Variants in SPAG16 observed in about 807,000 individuals in gnomAD.
SPAG16 encodes the protein sperm-associated antigen 16 protein.
In SPAG16, 86 loss-of-function variants were observed where a neutral mutation model predicts 80.4. The ratio of observed to expected loss-of-function variants is 1.07; its 90% CI spans 0.90 to 1.28. SPAG16 has a LOEUF of 1.28. SPAG16 is among the 50% of genes most tolerant of loss of function. The pLI, the probability that SPAG16 is intolerant of heterozygous loss-of-function variation, is 0.00. For synonymous variants in SPAG16, 294 were observed against 265.9 expected, an observed-to-expected ratio of 1.11 and a Z score of -1.03; for missense variants, 870 against 765.3, an observed-to-expected ratio of 1.14 and a Z score of -1.61.
intron 1 of SPAG16, chr2:213,284,836 A>G (rs2061996341): frequency 4.8e-6 from 3 of 618,592 alleles, no homozygotes; most frequent in Non-Finnish European, 8.0e-6. Flanking sequence ...TGTACCTGTT[A>G]GAAGAGTTGG....
At chr2:214,280,465 G>C (rs1692837050) in intron 15 of SPAG16, among the ~76,000 whole-genome samples, 1 of 152,122 alleles carries the variant, frequency 6.6e-6, no homozygotes, top group African/African-American at 2.4e-5. Context: ...CTGCTCTCAA[G>C]GTTTATTATG....
intron 10 of SPAG16, among the ~76,000 whole-genome samples, chr2:213,660,600 A>C (rs924484558): frequency 2.0e-5 from 3 of 152,088 alleles, no homozygotes; most frequent in African/African-American, 7.2e-5. Context: ...GCCCTGCTGC[A>C]CCATAATCTA....
At chr2:213,376,366 C>A (rs2066882340) in intron 9 of SPAG16, among the ~76,000 whole-genome samples, 1 of 151,862 alleles carries the variant, frequency 6.6e-6, no homozygotes, top group African/African-American at 2.4e-5. Context: ...CAAAAAGATA[C>A]TAAAATATAG....
chr2:213,505,447 G>A (rs1666230175), intron 10 of SPAG16, among the ~76,000 whole-genome samples: 1 of 151,912 alleles, frequency 6.6e-6, no homozygotes, highest in African/African-American at 2.4e-5. Flanking sequence ...TATTTTGAAA[G>A]GTTGTGTTGT....
At chr2:214,107,041 T>C (rs1001420915) in intron 13 of SPAG16, among the ~76,000 whole-genome samples, 1 of 152,148 alleles carries the variant, frequency 6.6e-6, no homozygotes, top group East Asian at 1.9e-4. Context: ...TCCCTTACTA[T>C]ACTTTCATTC....
chr2:214,348,877 G>A (rs1390765964), intron 15 of SPAG16, among the ~76,000 whole-genome samples: 1 of 152,172 alleles, frequency 6.6e-6, no homozygotes, highest in Non-Finnish European at 1.5e-5. Flanking sequence ...GTTACACAGT[G>A]ATACATAACC....
At chr2:213,878,804 C>T (rs1340075894) in intron 11 of SPAG16, among the ~76,000 whole-genome samples, 1 of 151,998 alleles carries the variant, frequency 6.6e-6, no homozygotes, top group Non-Finnish European at 1.5e-5. Flanking sequence ...ATTCTTAATC[C>T]ATCTTAAGTT....
chr2:213,882,990 C>G (rs900494713), intron 11 of SPAG16, among the ~76,000 whole-genome samples: 2 of 152,082 alleles, frequency 1.3e-5, no homozygotes, highest in African/African-American at 4.8e-5. Flanking sequence ...CTCAGCCTCC[C>G]GAGTAGCTGG....
intron 11 of SPAG16, among the ~76,000 whole-genome samples, chr2:213,891,022 C>G (rs2076765832): frequency 6.6e-6 from 1 of 151,914 alleles, no homozygotes; most frequent in Admixed American, 6.6e-5. Flanking sequence ...ACTTTCTGAA[C>G]TTTGAAATAC....
intron 10 of SPAG16, among the ~76,000 whole-genome samples, chr2:213,537,302 T>TA (rs2076285942): frequency 6.6e-6 from 1 of 151,924 alleles, no homozygotes; most frequent in East Asian, 1.9e-4. Context: ...CCCTAAAACT[T>TA]AAAGTATAAT....
At chr2:213,663,237 T>A (rs1351396021) in intron 10 of SPAG16, among the ~76,000 whole-genome samples, 4 of 152,090 alleles carry the variant, frequency 2.6e-5, no homozygotes, top group Non-Finnish European at 5.9e-5. Flanking sequence ...CTTAATCCCT[T>A]CTGTACACCA....
intron 9 of SPAG16, among the ~76,000 whole-genome samples, chr2:213,412,892 C>T (rs2125402918): frequency 6.6e-6 from 1 of 152,244 alleles, no homozygotes; most frequent in Admixed American, 6.5e-5. Flanking sequence ...TGAATTGTCT[C>T]ATCCAAAATG....
chr2:213,709,740 C>T (rs1184986786), intron 10 of SPAG16, among the ~76,000 whole-genome samples: 1 of 152,050 alleles, frequency 6.6e-6, no homozygotes, highest in African/African-American at 2.4e-5. Flanking sequence ...GCCCCATCCT[C>T]CAGTCCCTCT....
chr2:213,477,564 T>G (rs1415023189), intron 9 of SPAG16, among the ~76,000 whole-genome samples: 1 of 152,266 alleles, frequency 6.6e-6, no homozygotes, highest in Non-Finnish European at 1.5e-5. Context: ...TAAGGTTTAA[T>G]GACTGCCCTG....
rs1368391151 is a variant in SPAG16 at position 214,330,286 on chromosome 2, AAAAAG to A, written c.1721-79853_1721-79849del. 2.6e-5 allele frequency among the ~76,000 whole-genome samples: 4 copies of A among 151,892 alleles called. No individual in the cohort carries two copies. The East Asian group carries it at 7.7e-4, about 29-fold the overall frequency. On this transcript the variant is annotated intron_variant, in intron 15 of 15. Transcript: ENST00000331683. ...GAGTGAAACTCTGTCTCAAAAAAAA[AAAAAG>A]GAAAAGAAATAAAGAAAATTGTATG...
chr2:213,577,967 C>T (rs1341573389), intron 10 of SPAG16, among the ~76,000 whole-genome samples: 3 of 151,992 alleles, frequency 2.0e-5, no homozygotes, highest in Admixed American at 6.6e-5. Flanking sequence ...TGCTTGCATT[C>T]GATTTTTGCT....
At position 214,135,571 on chromosome 2, in the gene SPAG16, G is replaced by A. The variant is rs193275010; in HGVS notation, c.1594-13569G>A. ...TGTTGGAAGGTGGGACCTAGTAAGA[G>A]GTGTTTGGGTCATGGGAGCAAATCT... On this transcript the variant is annotated intron_variant, in intron 14 of 15. Coordinates refer to ENST00000331683, the MANE Select transcript of SPAG16 (RefSeq NM_024532.5). Among the ~76,000 whole-genome samples, 560 of 152,244 alleles carry A rather than the reference G, an allele frequency of 3.7e-3. 7 individuals are homozygous for A. The highest frequency in any genetic ancestry group is 0.01 in the Middle Eastern group (3 of 294).
At position 214,102,112 on chromosome 2, in the gene SPAG16, TTTTG is replaced by T. The variant is rs1239376834; in HGVS notation, c.1528-6080_1528-6077del. Among the ~76,000 whole-genome samples, 187 of 96,252 alleles carry T rather than the reference TTTTG, an allele frequency of 1.9e-3. 2 individuals carry two copies. Among genetic ancestry groups the T allele is most frequent in the African/African-American group, 4.7e-3 (115 of 24,638 alleles). The allele number at this position is 96,252 out of a possible 152,430, so 63.1% of individuals were successfully genotyped here. ...TAAAGCATATCTGGTGAGGGTGGTTTTTTGTTTTTTTTTTTTTGCAATTTCATTT... is the reference window on the plus strand; with the variant it reads ...TAAAGCATATCTGGTGAGGGTGGTTTTTTTTTTTTTTTTGCAATTTCATTT... On this transcript the variant is annotated intron_variant, in intron 13 of 15. Transcript: ENST00000331683.
intron 10 of SPAG16, among the ~76,000 whole-genome samples, chr2:213,559,321 T>C (rs1220121410): frequency 6.6e-6 from 1 of 152,116 alleles, no homozygotes; most frequent in African/African-American, 2.4e-5. Flanking sequence ...GTGATGGCAA[T>C]GTGATGTCAT....
Sources: allele counts gnomAD v4.1 joint callset (sites outside exome capture counted in the v4.1 genomes callset), GRCh38; gene constraint gnomAD v4.1.1; transcripts MANE v1.5; gene names NCBI Gene and HGNC (gene_info 2026-07-23, HGNC 2026-07-21).